Variants in KIF1B observed in about 807,000 individuals in gnomAD.
The protein encoded by KIF1B is kinesin-like protein KIF1B.
Under a neutral mutation model 241.9 loss-of-function variants are expected in KIF1B, and 76 were observed. The ratio of observed to expected loss-of-function variants is 0.31; its 90% CI spans 0.26 to 0.38. The LOEUF (loss-of-function observed/expected upper bound fraction) is 0.38, where lower values mean the gene tolerates loss of function less well. Among genes scored for constraint, KIF1B ranks in the 10% least tolerant of loss-of-function variants. The pLI is 1.00. For synonymous variants in KIF1B, 750 were observed against 796.7 expected, an observed-to-expected ratio of 0.94 and a Z score of 0.99; for missense variants, 1,622 against 2,271.4, an observed-to-expected ratio of 0.71 and a Z score of 5.81.
intron 12 of KIF1B, among the ~76,000 whole-genome samples, 163 bp from the exon 13 acceptor site, chr1:10,277,823 C>T (rs531824658): frequency 3.4e-4 from 52 of 152,264 alleles, no homozygotes; most frequent in Admixed American, 1.6e-3. Flanking sequence ...GAGCCTTTTT[C>T]TTCATCTTTA....
At chr1:10,343,128 C>A in intron 33 of KIF1B, 104 bp from the exon 34 acceptor site, 1 of 1,195,842 alleles carries the variant, frequency 8.4e-7, no homozygotes, top group East Asian at 2.5e-5. Flanking sequence ...ACTTGTGAAA[C>A]CCCTAAAGAG....
At chr1:10,340,575 A>C (rs1652355124) in intron 32 of KIF1B, among the ~76,000 whole-genome samples, 1 of 152,200 alleles carries the variant, frequency 6.6e-6, no homozygotes, top group Non-Finnish European at 1.5e-5. Context: ...GGCTGGGCGC[A>C]GTGGCTCATA....
At chr1:10,325,892 A>G (rs938135695) in intron 26 of KIF1B, among the ~76,000 whole-genome samples, 1 of 152,152 alleles carries the variant, frequency 6.6e-6, no homozygotes, top group Non-Finnish European at 1.5e-5. Flanking sequence ...TGCTTTTCTT[A>G]TTCTAAGGAT....
Position 10,355,883 on chromosome 1 carries a change from T to TTA in KIF1B, c.4055+3155_4055+3156dup, listed in dbSNP as rs566098765. 2.9e-3 allele frequency among the ~76,000 whole-genome samples: 440 copies of TTA among 152,278 alleles called. 2 individuals are homozygous for TTA. The highest frequency in any genetic ancestry group is 0.01 in the African/African-American group (422 of 41,574). ...GATAGCTGAGTCTATGAGAAATATT[T>TTA]TATATATATTTTTTAACATTTATCT... On this transcript the variant is annotated intron_variant, in intron 38 of 48. Transcript: ENST00000676179.
chr1:10,375,194 A>C (rs543408419), intron 47 of KIF1B, 61 bp from the exon 48 acceptor site: 2 of 1,505,988 alleles, frequency 1.3e-6, no homozygotes, highest in African/African-American at 2.7e-5. Context: ...GGAATATGGC[A>C]AGGCAGTCCC....
At position 10,336,855 on chromosome 1, in the gene KIF1B, TA is replaced by T. The variant is rs1281817016; in HGVS notation, c.3129+114del. ...ATACAGGGTGCTGGTTGCCACAGAG[TA>T]GTTCAATAGAATATGGGACATGTCT... is the stretch of plus-strand genomic sequence containing the variant. On this transcript the variant is annotated intron_variant, in intron 29 of 48. Transcript: ENST00000676179. The T allele has an allele frequency of 2.3e-5, 26 of 1,111,492 alleles. No homozygotes were observed. In the African/African-American group the frequency reaches 3.9e-4, roughly 17 times the overall value. 68.9% of individuals were successfully genotyped at this position (1,111,492 alleles called of 1,614,324 possible).
intron 7 of KIF1B, among the ~76,000 whole-genome samples, chr1:10,270,970 C>G (rs1648762282): frequency 6.7e-6 from 1 of 150,198 alleles, no homozygotes; most frequent in Non-Finnish European, 1.5e-5. Context: ...AAATTGTTTT[C>G]CAAAGTGATT....
chr1:10,316,270 G>A (rs1651301654), intron 22 of KIF1B, among the ~76,000 whole-genome samples: 1 of 151,344 alleles, frequency 6.6e-6, no homozygotes, highest in Non-Finnish European at 1.5e-5. Flanking sequence ...TGGTGATGTT[G>A]TGTACTTCCT....
chr1:10,308,931 A>G (rs989153867), intron 22 of KIF1B, among the ~76,000 whole-genome samples: 1 of 152,002 alleles, frequency 6.6e-6, no homozygotes, highest in African/African-American at 2.4e-5. Flanking sequence ...TTCTCTACAT[A>G]CTCTTGGTTT....
chr1:10,337,059 C>T lies in KIF1B; in HGVS notation c.3130-15C>T. ...ATACTACTTTACCATGTATCTGCCC[C>T]TGCCTTTTTTTCAGAGTGACTTTTC... On this transcript the variant is annotated splice_polypyrimidine_tract_variant and intron_variant, in intron 29 of 48. Transcript: ENST00000676179. The surrounding 1 kb of genome is among the most constrained non-coding windows in gnomAD (Gnocchi z 4.0). The T allele has an allele frequency of 6.2e-7, 1 of 1,614,140 alleles. No individual in the cohort carries two copies. Among genetic ancestry groups the T allele is most frequent in the African/African-American group, 1.3e-5 (1 of 75,054 alleles).
chr1:10,239,921 A>G (rs962021074), intron 2 of KIF1B, among the ~76,000 whole-genome samples: 1 of 152,002 alleles, frequency 6.6e-6, no homozygotes, highest in African/African-American at 2.4e-5. Flanking sequence ...ACCCGCCACC[A>G]TGCCTGGCTA....
At chr1:10,256,187 T>C (rs937904233) in intron 2 of KIF1B, 60 bp from the exon 3 acceptor site, 13 of 1,027,010 alleles carry the variant, frequency 1.3e-5, no homozygotes, top group Non-Finnish European at 1.9e-5. Context: ...CAGAATAACA[T>C]GTTTAACTAA....
intron 1 of KIF1B, among the ~76,000 whole-genome samples, chr1:10,228,027 A>G (rs1646932426): frequency 6.6e-6 from 1 of 150,728 alleles, no homozygotes; most frequent in Non-Finnish European, 1.5e-5. Flanking sequence ...TCTACTAATA[A>G]TACAAAAATT....
At position 10,296,582 on chromosome 1, in the gene KIF1B, T is replaced by G. The variant is rs1462866416; in HGVS notation, c.1778T>G (p.Val593Gly). The change falls in exon 20 of 49, where the codon GTT becomes GGT. Residue 593 changes from valine (V) to glycine (G), a missense_variant and splice_region_variant. Around this residue, in one of 7 missense-constraint regions of KIF1B, gnomAD observed 44 missense variants for 28.6 expected, o/e 1.54. Coordinates refer to ENST00000676179, the MANE Select transcript of KIF1B (RefSeq NM_001365951.3). ...ATTAGTTTGTGTTTGTTCCTCTTAGTTATCGTGACCTTAGAGCCCTGTGAG... is the reference window on the plus strand; with the variant it reads ...ATTAGTTTGTGTTTGTTCCTCTTAGGTATCGTGACCTTAGAGCCCTGTGAG... Reference protein sequence around the residue: ...FRSERSNSGEVIVTLEPCERS... With the variant: ...FRSERSNSGEGIVTLEPCERS... 1 of 1,613,008 alleles carries G rather than the reference T, an allele frequency of 6.2e-7. No individual in the cohort carries two copies. The highest frequency in any genetic ancestry group is 1.1e-5 in the South Asian group (1 of 91,036).
intron 2 of KIF1B, among the ~76,000 whole-genome samples, chr1:10,248,968 G>A (rs11586485): frequency 0.071 from 10,749 of 152,164 alleles, 541 homozygotes; most frequent in Non-Finnish European, 0.11. Flanking sequence ...TTGAAAAGGT[G>A]GATTATAGGA....
chr1:10,330,324 A>G (rs1214129979), intron 27 of KIF1B, among the ~76,000 whole-genome samples: 1 of 152,350 alleles, frequency 6.6e-6, no homozygotes, highest in East Asian at 1.9e-4. Context: ...CCTGCCATAG[A>G]ATTACAGAAT....
intron 38 of KIF1B, among the ~76,000 whole-genome samples, chr1:10,355,891 A>T (rs543664529): frequency 1.1e-4 from 16 of 152,238 alleles, no homozygotes; most frequent in South Asian, 6.2e-4. Context: ...TTTTATATAT[A>T]TTTTTTAACA....
chr1:10,268,217 T>G lies in KIF1B; in HGVS notation c.674T>G (p.Phe225Cys). The change falls in exon 7 of 49, where the codon TTC becomes TGC. Residue 225 changes from phenylalanine to cysteine, a missense_variant. Physicochemically the swap from Phe to Cys is radical, Grantham distance 205. This residue lies in a region of KIF1B where 201 missense variants were observed against 301.2 expected (regional missense o/e 0.67). Transcript: ENST00000676179. ...TCCCACGCTGTGTTTACGATTGTTT[T>G]CACCCAGAAGAAACACGATAATGAG... Reference protein sequence around the residue: ...SRSHAVFTIVFTQKKHDNETN... With the variant: ...SRSHAVFTIVCTQKKHDNETN... 10 of 1,614,026 alleles carry G rather than the reference T, an allele frequency of 6.2e-6. No individual in the cohort carries two copies. Among genetic ancestry groups the G allele is most frequent in the Non-Finnish European group, 8.5e-6 (10 of 1,179,894 alleles).
At chr1:10,352,905 C>T (rs1652850386) in intron 38 of KIF1B, among the ~76,000 whole-genome samples, 169 bp downstream of exon 38, 1 of 152,080 alleles carries the variant, frequency 6.6e-6, no homozygotes, top group Admixed American at 6.5e-5. Context: ...CTGTACTCTC[C>T]AAAAAGAAAG....
Sources: gnomAD v4.1 joint callset for allele counts (sites outside exome capture counted in the v4.1 genomes callset) on GRCh38, gnomAD v4.1.1 for gene constraint, gnomAD v4.1.1 regional missense constraint, Gnocchi (gnomAD v3.1) non-coding constraint, MANE v1.5 for transcripts, NCBI Gene and HGNC (gene_info 2026-07-23, HGNC 2026-07-21) for gene names.